EDA: variants seen among roughly 807,000 people sequenced by gnomAD.
EDA encodes the protein ectodysplasin A.
EDA carries 2 observed loss-of-function variants against 23.6 expected under a neutral mutation model. The ratio of observed to expected loss-of-function variants is 0.08; its 90% CI spans 0.03 to 0.27. EDA has a LOEUF of 0.27. Ranked by LOEUF, EDA falls within the 10% of genes least tolerant of loss-of-function variation. The pLI is 1.00. For missense variants in EDA, 229 were observed against 324.2 expected (o/e 0.71, Z 2.26); for synonymous variants, 131 against 132.0 (o/e 0.99, Z 0.05).
chrX:69,618,965 G>A (rs1254269556), intron 1 of EDA, among the ~76,000 whole-genome samples: 2 of 111,741 alleles, frequency 1.8e-5, no homozygotes, highest in African/African-American at 3.3e-5. Context: ...ACTGCTACAA[G>A]CTTGGTTAAA....
At chrX:69,793,246 T>C (rs1275174930) in intron 1 of EDA, among the ~76,000 whole-genome samples, 1 of 112,231 alleles carries the variant, frequency 8.9e-6, no homozygotes. Context: ...ACAATTAAGA[T>C]GTCAGAAACT....
intron 1 of EDA, among the ~76,000 whole-genome samples, chrX:69,760,403 CATAGT>C (rs1356659299): frequency 9.0e-6 from 1 of 111,195 alleles, no homozygotes; most frequent in African/African-American, 3.3e-5. Context: ...TACAACTTCT[CATAGT>C]AAATGTTCCC....
intron 1 of EDA, among the ~76,000 whole-genome samples, chrX:69,933,240 T>A (rs2018624465): frequency 8.9e-6 from 1 of 112,578 alleles, no homozygotes; most frequent in African/African-American, 3.2e-5. Context: ...TTTGTACTAT[T>A]GTTAATTATT....
chrX:69,878,652 G>A (rs756858642), intron 1 of EDA, among the ~76,000 whole-genome samples: 11 of 109,576 alleles, frequency 1.0e-4, no homozygotes, highest in Admixed American at 2.9e-4. Flanking sequence ...AGGCCATAAG[G>A]TTTGCAAAGC....
intron 1 of EDA, among the ~76,000 whole-genome samples, chrX:69,871,097 A>G (rs1479240649): frequency 9.0e-6 from 1 of 111,586 alleles, no homozygotes; most frequent in African/African-American, 3.3e-5. Context: ...TGTCAAATGC[A>G]TTTATTTTGC....
intron 1 of EDA, among the ~76,000 whole-genome samples, chrX:69,881,756 C>G (rs182656690): frequency 8.9e-6 from 1 of 112,024 alleles, no homozygotes; most frequent in Non-Finnish European, 1.9e-5. Context: ...GACATGGCAC[C>G]CACATCTGCT....
chrX:69,740,426 TG>T (rs2013418490), intron 1 of EDA, among the ~76,000 whole-genome samples: 1 of 111,460 alleles, frequency 9.0e-6, no homozygotes, highest in African/African-American at 3.2e-5. Flanking sequence ...TGGTTGATGG[TG>T]TTTTTTTTTG....
intron 1 of EDA, among the ~76,000 whole-genome samples, chrX:69,827,059 C>A (rs1246676861): frequency 8.9e-6 from 1 of 111,792 alleles, no homozygotes; most frequent in Non-Finnish European, 1.9e-5. Flanking sequence ...GAGTTTCTGC[C>A]GAGAGATCCG....
At chrX:70,019,500 C>G (rs1412831268) in intron 2 of EDA, among the ~76,000 whole-genome samples, 1 of 111,929 alleles carries the variant, frequency 8.9e-6, no homozygotes, top group Admixed American at 9.5e-5. Flanking sequence ...TCATGGAATA[C>G]TATGCAGCAC....
chrX:69,956,342 CTTT>C (rs200365541), intron 1 of EDA, among the ~76,000 whole-genome samples: 13,895 of 72,678 alleles, frequency 0.19, 1,710 homozygotes, highest in East Asian at 0.26. Context: ...TTTCTTTCTT[CTTT>C]TTTTTTTTTT....
At chrX:69,750,428 G>A (rs1010136316) in intron 1 of EDA, among the ~76,000 whole-genome samples, 1 of 109,738 alleles carries the variant, frequency 9.1e-6, no homozygotes, top group Non-Finnish European at 1.9e-5. Flanking sequence ...ATCATTGTTG[G>A]ACATTTGTGT....
intron 1 of EDA, among the ~76,000 whole-genome samples, chrX:69,916,659 C>T (rs1457823694): frequency 9.0e-6 from 1 of 110,610 alleles, no homozygotes; most frequent in African/African-American, 3.3e-5. Context: ...CCCGCCTCGG[C>T]CTCCCAAAGT....
chrX:69,845,083 G>C (rs1406702349), intron 1 of EDA, among the ~76,000 whole-genome samples: 2 of 112,558 alleles, frequency 1.8e-5, no homozygotes, highest in East Asian at 2.8e-4. Flanking sequence ...TTCAACTATA[G>C]TTATTCCCTT....
chrX:69,815,240 G>A (rs2016050738), intron 1 of EDA, among the ~76,000 whole-genome samples: 1 of 111,886 alleles, frequency 8.9e-6, no homozygotes, highest in Non-Finnish European at 1.9e-5. Flanking sequence ...GAGTCCAGAT[G>A]TTCCAGAGGA....
chrX:69,912,845 G>A (rs1415123852), intron 1 of EDA, among the ~76,000 whole-genome samples: 1 of 101,592 alleles, frequency 9.8e-6, no homozygotes, highest in Non-Finnish European at 2.0e-5. Flanking sequence ...CTTGACTCAC[G>A]CAACTTCTGC....
chrX:69,769,961 A>G (rs1428310961), intron 1 of EDA, among the ~76,000 whole-genome samples: 1 of 111,260 alleles, frequency 9.0e-6, no homozygotes, highest in Non-Finnish European at 1.9e-5. Flanking sequence ...AATCTGTTCT[A>G]TCTTTATAAT....
chrX:70,037,180 G>A lies in EDA; in HGVS notation c.*1571G>A, dbSNP rs1367292361. 1 of 112,534 alleles carries A rather than the reference G, an allele frequency of 8.9e-6. No individual in the cohort carries two copies. Among genetic ancestry groups the A allele is most frequent in the Non-Finnish European group, 1.9e-5 (1 of 53,327 alleles). 9.3% of individuals were successfully genotyped at this position (112,534 alleles called of 1,213,427 possible). On this transcript the variant is annotated 3_prime_UTR_variant, in exon 8 of 8. Coordinates refer to ENST00000374552, the MANE Select transcript of EDA (RefSeq NM_001399.5). ...TTCCTGAAATGTGTTTCCTTTTCAG[G>A]AGATGGGGAATAATTTCCTTCAGGC...
intron 1 of EDA, among the ~76,000 whole-genome samples, chrX:69,809,096 G>T (rs2015881630): frequency 9.0e-6 from 1 of 111,720 alleles, no homozygotes; most frequent in Admixed American, 9.5e-5. Flanking sequence ...GGTACCATTT[G>T]TCAAGCTTAT....
At chrX:69,732,362 G>T (rs1459108684) in intron 1 of EDA, among the ~76,000 whole-genome samples, 1 of 111,611 alleles carries the variant, frequency 9.0e-6, no homozygotes, top group Admixed American at 9.5e-5. Flanking sequence ...TTAGTTTTCT[G>T]TCCTTGCAGT....
Sources: gnomAD v4.1 joint callset for allele counts (sites outside exome capture counted in the v4.1 genomes callset) on GRCh38, gnomAD v4.1.1 for gene constraint, MANE v1.5 for transcripts, NCBI Gene and HGNC (gene_info 2026-07-23, HGNC 2026-07-21) for gene names.